Variants in RYR1 observed in about 807,000 individuals in gnomAD.
RYR1 encodes the protein ryanodine receptor 1.
Under a neutral mutation model 583.5 loss-of-function variants are expected in RYR1, and 342 were observed. The ratio of observed to expected loss-of-function variants is 0.59; its 90% CI spans 0.54 to 0.64. The LOEUF (loss-of-function observed/expected upper bound fraction) is 0.64, where lower values mean the gene tolerates loss of function less well. RYR1 is among the 30% of genes least tolerant of loss of function. The pLI is 0.00. For synonymous variants in RYR1, 2,791 were observed against 2,822.5 expected (o/e 0.99, Z 0.35); for missense variants, 6,032 against 6,917.2 (o/e 0.87, Z 4.54).
chr19:38,544,757 C>G (rs1330682498), intron 87 of RYR1, among the ~76,000 whole-genome samples: 31 of 152,174 alleles, frequency 2.0e-4, no homozygotes, highest in Admixed American at 2.0e-3. Context: ...TGTTGGTATC[C>G]TAAAATTCTA....
intron 89 of RYR1, among the ~76,000 whole-genome samples, chr19:38,555,219 A>G (rs188487721): frequency 6.6e-6 from 1 of 152,192 alleles, no homozygotes; most frequent in Admixed American, 6.6e-5. Flanking sequence ...GGGAGGTCCA[A>G]GAGAGTGGAC....
chr19:38,545,885 A>G (rs1171121492), intron 87 of RYR1, among the ~76,000 whole-genome samples: 1 of 152,152 alleles, frequency 6.6e-6, no homozygotes, highest in Non-Finnish European at 1.5e-5. Flanking sequence ...TCAACCTAAC[A>G]TAAATAGGGG....
Position 38,490,210 on chromosome 19 carries a change from C to T in RYR1, c.5949C>T (p.Ala1983=), listed in dbSNP as rs770158199. The part of the protein sequence containing the change: ...QRSRYGLLIK[A]FSMTAAETAR... ...GCCGCTATGGCCTCCTCATAAAAGC[C>T]TTCAGCATGACCGCAGCAGAGACTG... The change falls in exon 36 of 106, where the codon GCC becomes GCT. Residue 1983 remains alanine (A), a synonymous_variant. Coordinates refer to ENST00000359596, the MANE Select transcript of RYR1 (RefSeq NM_000540.3). 6.2e-7 allele frequency: 1 copy of T among 1,614,220 alleles called. No individual in the cohort carries two copies. Among genetic ancestry groups the T allele is most frequent in the East Asian group, 2.2e-5 (1 of 44,880 alleles).
intron 2 of RYR1, 144 bp downstream of exon 2, chr19:38,441,008 C>A: frequency 1.7e-6 from 1 of 588,134 alleles, no homozygotes; most frequent in Non-Finnish European, 2.5e-6. Context: ...CTAAGAGGGG[C>A]TACCTGAGGT....
At position 38,458,135 on chromosome 19, in the gene RYR1, G is replaced by A. The variant is rs774654320; in HGVS notation, c.2010G>A (p.Val670=). The part of the protein sequence containing the change: ...KWYFEVMVDE[V]TPFLTAQATH... ...ACTTTGAGGTGATGGTGGACGAGGTGACTCCATTTCTGACAGCTCAGGCCA... is the reference window on the plus strand; with the variant it reads ...ACTTTGAGGTGATGGTGGACGAGGTAACTCCATTTCTGACAGCTCAGGCCA... The change falls in exon 18 of 106, where the codon GTG becomes GTA. Residue 670 remains valine (V), a synonymous_variant. Coordinates refer to ENST00000359596, the MANE Select transcript of RYR1 (RefSeq NM_000540.3). 1 of 1,614,012 alleles carries A rather than the reference G, an allele frequency of 6.2e-7. No homozygotes were observed. The highest frequency in any genetic ancestry group is 8.5e-7 in the Non-Finnish European group (1 of 1,180,026).
rs768373009 is a variant in RYR1, at chr19:38,489,248, GGAA to G, written c.5625_5627del (p.Glu1878del). 1.9e-6 allele frequency: 3 copies of G among 1,613,384 alleles called. No individual in the cohort carries two copies. The highest frequency in any genetic ancestry group is 1.1e-5 in the South Asian group (1 of 91,060). On this transcript the variant is annotated inframe_deletion, in exon 35 of 106. Transcript: ENST00000359596. ...TGATTGAGCCTGAGGTCTTCACTGA[GGAA>G]GAAGAGGAGGAGGACGAGGAGGAAG...
At chr19:38,575,788 G>GCTC in intron 96 of RYR1, 131 bp from the exon 97 acceptor site, 1 of 946,994 alleles carries the variant, frequency 1.1e-6, no homozygotes, top group Non-Finnish European at 1.7e-6. Flanking sequence ...GGGCAACAGA[G>GCTC]TGAGACTCCA....
At chr19:38,537,982 T>TGGGGGGGGGGGGGGG in intron 84 of RYR1, 22 bp downstream of exon 84, 1 of 1,262,892 alleles carries the variant, frequency 7.9e-7, no homozygotes, top group Non-Finnish European at 1.1e-6. Context: ...GGGTGTGGGG[T>TGGGGGGGGGGGGGGG]GGAGGGGAAG....
Position 38,525,435 on chromosome 19 carries a change from T to C in RYR1, c.10559T>C (p.Ile3520Thr). 6.2e-7 allele frequency: 1 copy of C among 1,613,886 alleles called. No homozygotes were observed. Among genetic ancestry groups the C allele is most frequent in the Non-Finnish European group, 8.5e-7 (1 of 1,179,926 alleles). ...GCCACACTGAAGAAGATGCTGCCCA[T>C]CGGCCTGAATATGTGTGCGCCCACC... is the stretch of plus-strand genomic sequence containing the variant. ...IVATLKKMLP[I>T]GLNMCAPTDQ... Residue 3520 changes from isoleucine to threonine, a missense_variant, in exon 71 of 106, where the codon ATC becomes ACC. By Grantham distance (89) the Ile-to-Thr change is moderately conservative. This residue lies in a region of RYR1 where 1,493 missense variants were observed against 1,715.5 expected (regional missense o/e 0.87). Transcript: ENST00000359596.
At position 38,565,768 on chromosome 19, in the gene RYR1, G is replaced by T; in HGVS notation, c.13434G>T (p.Leu4478Phe). 1 of 1,399,462 alleles carries T rather than the reference G, an allele frequency of 7.1e-7. No individual in the cohort carries two copies. Among genetic ancestry groups the T allele is most frequent in the Non-Finnish European group, 9.2e-7 (1 of 1,086,210 alleles). The allele number at this position is 1,399,462 out of a possible 1,614,324, so 86.7% of individuals were successfully genotyped here. A position where few individuals can be genotyped will look rare whatever the true frequency, so the allele number is the denominator to read the frequency against. The part of the protein sequence containing the change: ...PEGSPILKRK[L>F]GVDGVEEELP... ...GCTCTCCCATCCTCAAGAGGAAATT[G>T]GGGGTGAGAGAGCAGGCGGGGTTTT... Residue 4478 changes from leucine to phenylalanine, a missense_variant, in exon 91 of 106, where the codon TTG becomes TTT. By Grantham distance (22) the Leu-to-Phe change is conservative. Around this residue, in one of 11 missense-constraint regions of RYR1, gnomAD observed 753 missense variants for 759.6 expected, o/e 0.99. Coordinates refer to ENST00000359596, the MANE Select transcript of RYR1 (RefSeq NM_000540.3). The surrounding 1 kb of genome is among the most constrained non-coding windows in gnomAD (Gnocchi z 4.7).
At position 38,543,550 on chromosome 19, in the gene RYR1, T is replaced by G; in HGVS notation, c.11797T>G (p.Tyr3933Asp). ...CCACCAGGAATCCATCAGCGACTTC[T>G]ACTGGTACTACTCGGGCAAGGATGT... is the stretch of plus-strand genomic sequence containing the variant. ...LRLQESISDF[Y>D]WYYSGKDVIE... Residue 3933 changes from tyrosine (Y) to aspartate (D), a missense_variant, in exon 86 of 106, where the codon TAC (tyrosine) becomes GAC (aspartate). This residue lies in a region of RYR1 where 1,493 missense variants were observed against 1,715.5 expected (regional missense o/e 0.87). Transcript: ENST00000359596. This position sits in a 1 kb window ranked among gnomAD's most constrained non-coding sequence, Gnocchi z 4.4. 1 of 1,613,898 alleles carries G rather than the reference T, an allele frequency of 6.2e-7. No homozygotes were observed. Among genetic ancestry groups the G allele is most frequent in the Middle Eastern group, 1.6e-4 (1 of 6,062 alleles).
intron 96 of RYR1, among the ~76,000 whole-genome samples, chr19:38,575,055 A>C (rs973174975): frequency 2.6e-5 from 4 of 151,768 alleles, no homozygotes; most frequent in Non-Finnish European, 5.9e-5. Flanking sequence ...AAAAAAAAAA[A>C]AACTCGTTGG....
rs942412453 is a variant in RYR1, at chr19:38,517,630, C to T, written c.9957C>T (p.Ile3319=). Residue 3319 remains isoleucine, a synonymous_variant, in exon 66 of 106, where the codon ATC becomes ATT. Coordinates refer to ENST00000359596, the MANE Select transcript of RYR1 (RefSeq NM_000540.3). The part of the protein sequence containing the change: ...SDHLNSLLGN[I]LRIIVNNLGI... ...ACCTCAACTCCCTGCTGGGGAATATCCTGAGAATCATCGTCAACAACCTGG... is the reference window on the plus strand; with the variant it reads ...ACCTCAACTCCCTGCTGGGGAATATTCTGAGAATCATCGTCAACAACCTGG... The T allele has an allele frequency of 1.2e-6, 2 of 1,614,068 alleles. No individual in the cohort carries two copies. Among genetic ancestry groups the T allele is most frequent in the African/African-American group, 2.7e-5 (2 of 74,916 alleles).
chr19:38,468,358 G>A (rs1568464507), intron 25 of RYR1, among the ~76,000 whole-genome samples: 1 of 149,544 alleles, frequency 6.7e-6, no homozygotes, highest in Non-Finnish European at 1.5e-5. Context: ...CCAGCCAACT[G>A]TCCATCCATC....
intron 101 of RYR1, among the ~76,000 whole-genome samples, chr19:38,581,712 C>A (rs957761835): frequency 6.6e-6 from 1 of 152,146 alleles, no homozygotes; most frequent in Non-Finnish European, 1.5e-5. Context: ...GATTCTCCTG[C>A]GTTAGCCTCC....
At chr19:38,571,829 A>G (rs149541947) in intron 94 of RYR1, among the ~76,000 whole-genome samples, 190 bp from the exon 95 acceptor site, 5 of 152,350 alleles carry the variant, frequency 3.3e-5, no homozygotes, top group African/African-American at 4.8e-5. Flanking sequence ...ACTCAGTTCA[A>G]TAGGCTAATT....
intron 101 of RYR1, among the ~76,000 whole-genome samples, chr19:38,583,690 T>C (rs554139041): frequency 8.5e-4 from 130 of 152,142 alleles, no homozygotes; most frequent in African/African-American, 3.1e-3. Flanking sequence ...CGCCTGGTCC[T>C]CTTTCAGTTC....
chr19:38,569,216 T>C lies in RYR1; in HGVS notation c.13659+1299T>C, dbSNP rs568824370. Reference sequence around the variant, plus strand: ...TAGTAGAAACGGGGTTTCACCGTGTTAGCCAGAATGGCCTAGATCTGACCT... The same window carrying C: ...TAGTAGAAACGGGGTTTCACCGTGTCAGCCAGAATGGCCTAGATCTGACCT... On this transcript the variant is annotated intron_variant, in intron 93 of 105. Coordinates refer to ENST00000359596, the MANE Select transcript of RYR1 (RefSeq NM_000540.3). Among the ~76,000 whole-genome samples, 93 of 152,302 alleles carry C rather than the reference T, an allele frequency of 6.1e-4. 1 individual carries two copies. Among genetic ancestry groups the C allele is most frequent in the African/African-American group, 2.1e-3 (87 of 41,574 alleles).
intron 76 of RYR1, among the ~76,000 whole-genome samples, chr19:38,531,590 C>T (rs1971742739): frequency 6.6e-6 from 1 of 152,044 alleles, no homozygotes; most frequent in Non-Finnish European, 1.5e-5. Flanking sequence ...TCCATTTTAG[C>T]ATCCCCAGTG....
Sources: allele counts gnomAD v4.1 joint callset (sites outside exome capture counted in the v4.1 genomes callset), GRCh38; gene constraint gnomAD v4.1.1; regional missense constraint gnomAD v4.1.1; non-coding constraint Gnocchi (gnomAD v3.1); transcripts MANE v1.5; gene names NCBI Gene and HGNC (gene_info 2026-07-23, HGNC 2026-07-21).